KLRG1: variants seen among roughly 807,000 people sequenced by gnomAD.
KLRG1 encodes the protein killer cell lectin-like receptor subfamily G member 1.
A neutral mutation model predicts 21.8 loss-of-function variants in KLRG1; 16 were observed. That is an observed-to-expected ratio of 0.73 (90% CI 0.50 to 1.11). KLRG1 has a LOEUF of 1.11. KLRG1 is among the 50% of genes most tolerant of loss of function. The pLI, the probability that KLRG1 is intolerant of heterozygous loss-of-function variation, is 0.00. For synonymous variants in KLRG1, 69 were observed against 75.9 expected, an observed-to-expected ratio of 0.91 and a Z score of 0.47; for missense variants, 173 against 218.3, an observed-to-expected ratio of 0.79 and a Z score of 1.31.
At chr12:9,201,922 GA>G in the KLRG1 span, among the ~76,000 whole-genome samples, 1 of 151,718 alleles carries the variant, frequency 6.6e-6, no homozygotes, top group Admixed American at 6.6e-5. Context: ...TATATGTATC[GA>G]ATATATAATA....
the KLRG1 span, chr12:9,106,106 G>T: frequency 1.8e-6 from 1 of 547,110 alleles, no homozygotes; most frequent in Non-Finnish European, 3.3e-6. Flanking sequence ...ATCAAGCCTT[G>T]GTGATATTTT....
chr12:8,969,500 T>G (rs1476620696), intron 1 of KLRG1, among the ~76,000 whole-genome samples: 1 of 151,876 alleles, frequency 6.6e-6, no homozygotes. Flanking sequence ...CAGGTGAAAG[T>G]GTGGAACTTC....
At chr12:9,208,768 A>T in the KLRG1 span, among the ~76,000 whole-genome samples, 2 of 152,214 alleles carry the variant, frequency 1.3e-5, no homozygotes, top group Admixed American at 6.5e-5. Context: ...TGAGTGAGTT[A>T]TAACTATAGA....
the KLRG1 span, among the ~76,000 whole-genome samples, chr12:9,161,694 C>T: frequency 6.6e-6 from 1 of 152,126 alleles, no homozygotes; most frequent in African/African-American, 2.4e-5. Context: ...CATGAATATA[C>T]CTTAAATTAG....
rs752438246 is a variant in KLRG1, at chr12:8,953,456, G to A, written c.-156+3220G>A. 2.6e-5 allele frequency among the ~76,000 whole-genome samples: 4 copies of A among 152,262 alleles called. No individual in the cohort carries two copies. The South Asian group carries it at 8.3e-4, about 32-fold the overall frequency. The stretch of plus-strand genomic sequence containing the variant: ...TGTATATAAAATGGGTGAAAGGTGG[G>A]GATCAATCAAAGAAAAATGTGCCAA... On this transcript the variant is annotated intron_variant, in intron 1 of 4. Transcript: ENST00000539240.
the KLRG1 span, among the ~76,000 whole-genome samples, chr12:9,100,182 C>G: frequency 0.01 from 1,555 of 152,168 alleles, 17 homozygotes; most frequent in Non-Finnish European, 0.015. Context: ...CAATTTAATG[C>G]TTCATAAATC....
chr12:9,023,852 A>AG, the KLRG1 span, among the ~76,000 whole-genome samples: 1 of 151,904 alleles, frequency 6.6e-6, no homozygotes, highest in Non-Finnish European at 1.5e-5. Context: ...CACAGTATCC[A>AG]GCCTGTTTTT....
At chr12:9,200,938 T>C in the KLRG1 span, 5 of 1,614,100 alleles carry the variant, frequency 3.1e-6, no homozygotes, top group Non-Finnish European at 4.2e-6. Flanking sequence ...CACCTGATTC[T>C]GTCTGTACCA....
At chr12:9,165,954 T>C in the KLRG1 span, 1 of 1,415,850 alleles carries the variant, frequency 7.1e-7, no homozygotes, top group Non-Finnish European at 9.5e-7. Flanking sequence ...TTAAGATAAT[T>C]ATTCAGAACT....
the KLRG1 span, among the ~76,000 whole-genome samples, chr12:9,063,282 A>G: frequency 6.6e-6 from 1 of 152,228 alleles, no homozygotes; most frequent in Non-Finnish European, 1.5e-5. Flanking sequence ...TATTCTTGTC[A>G]TAACAACCCA....
At chr12:9,197,517 TG>T in the KLRG1 span, among the ~76,000 whole-genome samples, 992 of 126,932 alleles carry the variant, frequency 7.8e-3, 27 homozygotes, top group African/African-American at 0.029. Flanking sequence ...TGTATAATGT[TG>T]AAAATAATTA....
At chr12:8,953,610 G>A (rs1403474559) in intron 1 of KLRG1, among the ~76,000 whole-genome samples, 3 of 152,044 alleles carry the variant, frequency 2.0e-5, no homozygotes, top group African/African-American at 2.4e-5. Context: ...TGCCTCCTGC[G>A]GCTATCATTT....
the KLRG1 span, among the ~76,000 whole-genome samples, chr12:9,144,440 G>C: frequency 6.6e-6 from 1 of 152,156 alleles, no homozygotes; most frequent in Non-Finnish European, 1.5e-5. Context: ...CCAGTGGGAT[G>C]AGCTGCCACT....
At chr12:8,950,911 A>G (rs1946189468) in intron 1 of KLRG1, among the ~76,000 whole-genome samples, 1 of 152,116 alleles carries the variant, frequency 6.6e-6, no homozygotes, top group Non-Finnish European at 1.5e-5. Context: ...AATAGTCTCC[A>G]TAATCCATGC....
intron 1 of KLRG1, among the ~76,000 whole-genome samples, chr12:8,979,694 G>A (rs563147088): frequency 3.3e-4 from 50 of 151,922 alleles, no homozygotes; most frequent in Non-Finnish European, 6.3e-4. Flanking sequence ...TCTATAATGT[G>A]TATATTGGCT....
the KLRG1 span, among the ~76,000 whole-genome samples, chr12:9,183,925 A>G: frequency 6.6e-6 from 1 of 152,330 alleles, no homozygotes; most frequent in East Asian, 1.9e-4. Context: ...ATTTGTGTTC[A>G]GTTGGACAGA....
intron 1 of KLRG1, among the ~76,000 whole-genome samples, chr12:8,968,379 A>G (rs1946513996): frequency 1.3e-5 from 2 of 152,226 alleles, no homozygotes; most frequent in South Asian, 4.1e-4. Flanking sequence ...TGACAATTTT[A>G]TAAGGGATAA....
chr12:9,129,360 G>C, the KLRG1 span, among the ~76,000 whole-genome samples: 1 of 151,992 alleles, frequency 6.6e-6, no homozygotes, highest in Non-Finnish European at 1.5e-5. Context: ...GAGAGAGATA[G>C]AGAAGAAAGT....
the KLRG1 span, chr12:9,166,980 C>G: frequency 1.3e-5 from 2 of 152,162 alleles, no homozygotes; most frequent in African/African-American, 4.8e-5. Flanking sequence ...AGAATACTTA[C>G]AAGGAAAAAT....
Sources: gnomAD v4.1 joint callset for allele counts (sites outside exome capture counted in the v4.1 genomes callset) on GRCh38, gnomAD v4.1.1 for gene constraint, MANE v1.5 for transcripts, NCBI Gene and HGNC (gene_info 2026-07-23, HGNC 2026-07-21) for gene names.